The following SGSM1 variants were observed in gnomAD, a reference collection of about 807,000 sequenced individuals.
SGSM1 encodes the protein small G protein signaling modulator 1.
In SGSM1, 73 loss-of-function variants were observed where a neutral mutation model predicts 133.8. The ratio of observed to expected loss-of-function variants is 0.55; its 90% CI spans 0.45 to 0.66. The LOEUF (loss-of-function observed/expected upper bound fraction) is 0.66. Among genes scored for constraint, SGSM1 ranks in the 30% least tolerant of loss-of-function variants. The pLI is 0.00. For missense variants in SGSM1, 1,213 were observed against 1,448.1 expected (o/e 0.84, Z 2.64); for synonymous variants, 563 against 573.0 (o/e 0.98, Z 0.25).
Position 24,912,698 on chromosome 22 carries a change from C to A in SGSM1, c.2874C>A (p.Phe958Leu), listed in dbSNP as rs745510954. 6.2e-7 allele frequency: 1 copy of A among 1,613,760 alleles called. No homozygotes were observed. The highest frequency in any genetic ancestry group is 8.5e-7 in the Non-Finnish European group (1 of 1,179,874). ...TELMKRMNQN[F>L]PHGGAMDTHF... is the part of the protein sequence containing the mutation. ...TCATGAAGAGGATGAACCAGAACTT[C>A]CCCCACGGAGGCGCCATGGACACGC... The change falls in exon 22 of 25, where the codon TTC becomes TTA. Residue 958 changes from phenylalanine to leucine, a missense_variant. Physicochemically the swap from Phe to Leu is conservative, Grantham distance 22. Transcript: ENST00000400358.
At chr22:24,886,507 C>G (rs1186277410) in intron 15 of SGSM1, 93 bp from the exon 16 acceptor site, 2 of 1,465,618 alleles carry the variant, frequency 1.4e-6, no homozygotes, top group East Asian at 5.1e-5. Context: ...AGTTCAAGAC[C>G]AATCTGGCCA....
At position 24,850,328 on chromosome 22, in the gene SGSM1, G is replaced by A; in HGVS notation, c.351G>A (p.Lys117=). The part of the protein sequence containing the change: ...GLQENVRKLP[K]LPNLSPLAIK... The stretch of plus-strand genomic sequence containing the variant: ...AGGAGAATGTGCGGAAGCTGCCGAA[G>A]CTGCCCAACTTGTCCCCACTTGCCA... Residue 117 remains lysine (K), a synonymous_variant, in exon 5 of 25, where the codon AAG becomes AAA. Coordinates refer to ENST00000400358, the MANE Select transcript of SGSM1 (RefSeq NM_001098497.3). The A allele has an allele frequency of 5.0e-6, 8 of 1,613,524 alleles. No homozygotes were observed. The highest frequency in any genetic ancestry group is 6.8e-6 in the Non-Finnish European group (8 of 1,179,710).
chr22:24,863,159 T>G (rs2014024), intron 9 of SGSM1, among the ~76,000 whole-genome samples: 2,494 of 152,220 alleles, frequency 0.016, 68 homozygotes, highest in African/African-American at 0.056. Context: ...TGTTTTTGTT[T>G]GTTTGTTTGT....
chr22:24,857,633 C>T (rs1359112151), intron 8 of SGSM1, among the ~76,000 whole-genome samples: 1 of 152,188 alleles, frequency 6.6e-6, no homozygotes, highest in Non-Finnish European at 1.5e-5. Flanking sequence ...CAAACTTCTT[C>T]CAGTTCAGAG....
intron 2 of SGSM1, among the ~76,000 whole-genome samples, chr22:24,818,528 C>T (rs73407220): frequency 0.28 from 42,720 of 151,016 alleles, 6,658 homozygotes; most frequent in East Asian, 0.59. Flanking sequence ...CCACCACATC[C>T]GGCTAATTTT....
chr22:24,843,490 T>C (rs748441105), intron 2 of SGSM1: 1 of 152,274 alleles, frequency 6.6e-6, no homozygotes, highest in Non-Finnish European at 1.5e-5. Context: ...ACGCTGTGGG[T>C]TCCACTGGGT....
intron 20 of SGSM1, among the ~76,000 whole-genome samples, chr22:24,902,391 T>C (rs1256739577): frequency 6.6e-6 from 1 of 152,166 alleles, no homozygotes; most frequent in Non-Finnish European, 1.5e-5. Context: ...AAGATATTAT[T>C]CCTGTAATCC....
Position 24,868,793 on chromosome 22 carries a change from A to T in SGSM1, c.1229A>T (p.Asp410Val). The T allele has an allele frequency of 3.1e-6, 5 of 1,614,010 alleles. No homozygotes were observed. The highest frequency in any genetic ancestry group is 4.2e-6 in the Non-Finnish European group (5 of 1,179,892). Residue 410 changes from aspartate to valine, a missense_variant, in exon 12 of 25, where the codon GAT becomes GTT. Asp to Val is a radical substitution (Grantham distance 152, BLOSUM62 -3). Coordinates refer to ENST00000400358, the MANE Select transcript of SGSM1 (RefSeq NM_001098497.3). ...GCCGAGTCCACATCTTCAGACAAAGATGATGATGAGGCCACGGATTATGTG... is the reference window on the plus strand; with the variant it reads ...GCCGAGTCCACATCTTCAGACAAAGTTGATGATGAGGCCACGGATTATGTG... ...GSAESTSSDKDDDEATDYVFR... is the reference protein window; with the variant it reads ...GSAESTSSDKVDDEATDYVFR...
At chr22:24,814,429 C>G (rs1233367244) in intron 2 of SGSM1, among the ~76,000 whole-genome samples, 1 of 151,962 alleles carries the variant, frequency 6.6e-6, no homozygotes, top group Non-Finnish European at 1.5e-5. Flanking sequence ...GCCCTAAGGT[C>G]TCAGAGATTG....
chr22:24,885,712 A>G (rs1345481934), intron 15 of SGSM1, among the ~76,000 whole-genome samples: 4 of 152,038 alleles, frequency 2.6e-5, no homozygotes, highest in African/African-American at 7.2e-5. Flanking sequence ...GTGAGCCACT[A>G]CGCCCAGCTG....
chr22:24,843,284 T>G (rs1929912326), intron 2 of SGSM1, among the ~76,000 whole-genome samples: 2 of 148,488 alleles, frequency 1.3e-5, no homozygotes, highest in African/African-American at 5.0e-5. Flanking sequence ...GGGGTGGGGG[T>G]GGTGAGCCAG....
chr22:24,907,763 T>C (rs550144205), intron 21 of SGSM1, among the ~76,000 whole-genome samples: 1 of 151,478 alleles, frequency 6.6e-6, no homozygotes, highest in South Asian at 2.1e-4. Flanking sequence ...ATGCAAAAAA[T>C]TAGCTGGGCA....
intron 9 of SGSM1, among the ~76,000 whole-genome samples, chr22:24,862,808 G>A (rs755315950): frequency 9.2e-5 from 14 of 152,148 alleles, no homozygotes; most frequent in Non-Finnish European, 1.8e-4. Context: ...GTGACCTGGG[G>A]TATGTCACTC....
chr22:24,853,940 C>T (rs1032245220), intron 5 of SGSM1, among the ~76,000 whole-genome samples: 17 of 149,282 alleles, frequency 1.1e-4, no homozygotes, highest in African/African-American at 2.2e-4. Context: ...TACATGGCGG[C>T]GGCAAGAGAA....
In SGSM1 at chr22:24,898,118, C is replaced by T. The variant is rs2123703118; in HGVS notation, c.2169C>T (p.Gly723=). 1 of 1,613,972 alleles carries T rather than the reference C, an allele frequency of 6.2e-7. No individual in the cohort carries two copies. Among genetic ancestry groups the T allele is most frequent in the South Asian group, 1.1e-5 (1 of 91,074 alleles). The change falls in exon 19 of 25, where the codon GGC becomes GGT. Residue 723 remains glycine (G), a synonymous_variant. Transcript: ENST00000400358. ...GHPSSHNFSS[G]LSEHSEPSLS... ...CTTCCTCCCATAACTTCTCCTCGGG[C>T]CTCTCAGAGCACTCAGAGCCCAGTC...
chr22:24,900,727 T>C (rs895178428), intron 19 of SGSM1, among the ~76,000 whole-genome samples: 1 of 152,202 alleles, frequency 6.6e-6, no homozygotes, highest in Non-Finnish European at 1.5e-5. Context: ...AACATACTTA[T>C]TTTATGATCT....
intron 2 of SGSM1, among the ~76,000 whole-genome samples, chr22:24,819,254 C>CA (rs1411571323): frequency 6.6e-6 from 1 of 152,056 alleles, no homozygotes; most frequent in African/African-American, 2.4e-5. Flanking sequence ...CCGCGAGTCA[C>CA]AAGTGCATAT....
At chr22:24,865,594 G>A (rs1931401619) in intron 9 of SGSM1, among the ~76,000 whole-genome samples, 1 of 152,196 alleles carries the variant, frequency 6.6e-6, no homozygotes, top group Non-Finnish European at 1.5e-5. Flanking sequence ...GGTCTCTGGT[G>A]GAAGTGGGAT....
intron 21 of SGSM1, among the ~76,000 whole-genome samples, chr22:24,907,986 T>C (rs1360586030): frequency 6.7e-6 from 1 of 148,680 alleles, no homozygotes; most frequent in African/African-American, 2.5e-5. Flanking sequence ...ACAAAGATAC[T>C]TAAAATAGTG....
Sources: gnomAD v4.1 joint callset for allele counts (sites outside exome capture counted in the v4.1 genomes callset) on GRCh38, gnomAD v4.1.1 for gene constraint, MANE v1.5 for transcripts, NCBI Gene and HGNC (gene_info 2026-07-23, HGNC 2026-07-21) for gene names.